CACNA2D1: variants seen among roughly 807,000 people sequenced by gnomAD.
CACNA2D1 encodes the protein voltage-dependent calcium channel subunit alpha-2/delta-1.
CACNA2D1 carries 53 observed loss-of-function variants against 171.5 expected under a neutral mutation model. The ratio of observed to expected loss-of-function variants is 0.31; its 90% CI spans 0.25 to 0.39. The LOEUF (loss-of-function observed/expected upper bound fraction) is 0.39, where lower values mean the gene tolerates loss of function less well. CACNA2D1 is among the 10% of genes least tolerant of loss of function. CACNA2D1 has a pLI of 1.00. For synonymous variants in CACNA2D1, 442 were observed against 443.1 expected (o/e 1.00, Z 0.03); for missense variants, 903 against 1,299.8 (o/e 0.69, Z 4.69).
At chr7:82,409,174 T>C (rs907942861) in intron 1 of CACNA2D1, among the ~76,000 whole-genome samples, 2 of 152,170 alleles carry the variant, frequency 1.3e-5, no homozygotes, top group African/African-American at 2.4e-5. Flanking sequence ...CCATAGTCTT[T>C]CCAGTGCCTT....
chr7:82,176,009 A>G (rs1393776217), intron 3 of CACNA2D1, among the ~76,000 whole-genome samples: 3 of 152,016 alleles, frequency 2.0e-5, no homozygotes, highest in Admixed American at 1.3e-4. Flanking sequence ...ATAAAACCAT[A>G]GGGTAACCAA....
chr7:82,167,695 A>G (rs1162480485), intron 4 of CACNA2D1, among the ~76,000 whole-genome samples: 1 of 152,064 alleles, frequency 6.6e-6, no homozygotes. Context: ...AACATCATTC[A>G]CGGTCCTTCA....
At chr7:82,017,346 T>C (rs1013244261) in intron 12 of CACNA2D1, among the ~76,000 whole-genome samples, 6 of 152,304 alleles carry the variant, frequency 3.9e-5, no homozygotes, top group East Asian at 3.9e-4. Flanking sequence ...ACTTGTTTTT[T>C]CTTTGTACAT....
intron 6 of CACNA2D1, among the ~76,000 whole-genome samples, chr7:82,103,795 C>A (rs1347539921): frequency 3.3e-5 from 5 of 151,956 alleles, no homozygotes; most frequent in Non-Finnish European, 5.9e-5. Context: ...ACTCCCCAAC[C>A]CGAATATGTA....
Position 82,102,644 on chromosome 7 carries a change from A to T in CACNA2D1, c.526+14400T>A, listed in dbSNP as rs570263080. Among the ~76,000 whole-genome samples, 4 of 152,272 alleles carry T rather than the reference A, an allele frequency of 2.6e-5. No homozygotes were observed. In the South Asian group the frequency reaches 8.3e-4, roughly 32 times the overall value. ...GGCAGTCTGCAGTATGTTTTCATTC[A>T]ACGAAGGAACTTAGACTGATGGAGA... On this transcript the variant is annotated intron_variant, in intron 6 of 38. Transcript: ENST00000356860.
intron 4 of CACNA2D1, among the ~76,000 whole-genome samples, chr7:82,147,682 T>C (rs1365788031): frequency 6.6e-6 from 1 of 152,160 alleles, no homozygotes; most frequent in Admixed American, 6.5e-5. Context: ...TGTCCAATGG[T>C]AATATTAGCC....
intron 5 of CACNA2D1, among the ~76,000 whole-genome samples, chr7:82,122,838 G>A (rs971073630): frequency 2.0e-5 from 3 of 152,016 alleles, no homozygotes; most frequent in Non-Finnish European, 4.4e-5. Flanking sequence ...AAAATTAAAA[G>A]AATTTTTTAT....
intron 3 of CACNA2D1, among the ~76,000 whole-genome samples, chr7:82,261,799 G>C (rs1158442780): frequency 2.0e-5 from 3 of 152,098 alleles, no homozygotes; most frequent in East Asian, 3.9e-4. Context: ...GTTAAAATGG[G>C]TTCATCTTTC....
At chr7:82,425,157 A>AT (rs1295069526) in intron 1 of CACNA2D1, among the ~76,000 whole-genome samples, 1 of 152,204 alleles carries the variant, frequency 6.6e-6, no homozygotes, top group Admixed American at 6.5e-5. Flanking sequence ...AGTATAATGA[A>AT]TGATCTAACT....
intron 3 of CACNA2D1, among the ~76,000 whole-genome samples, chr7:82,316,130 C>G (rs1413964077): frequency 2.0e-5 from 3 of 151,926 alleles, no homozygotes; most frequent in Admixed American, 6.6e-5. Context: ...AATACAATCA[C>G]TAAGAATTCC....
intron 1 of CACNA2D1, among the ~76,000 whole-genome samples, chr7:82,407,505 A>G (rs750785497): frequency 8.5e-5 from 13 of 152,182 alleles, no homozygotes; most frequent in Non-Finnish European, 1.9e-4. Flanking sequence ...AATGCTTGCT[A>G]AAATTTTTGA....
chr7:82,346,667 T>C (rs555106629), intron 2 of CACNA2D1, among the ~76,000 whole-genome samples: 5 of 152,256 alleles, frequency 3.3e-5, no homozygotes, highest in African/African-American at 1.2e-4. Context: ...ATATTATATG[T>C]TGACATTTCC....
At chr7:82,339,781 G>A (rs1464825343) in intron 2 of CACNA2D1, among the ~76,000 whole-genome samples, 1 of 152,152 alleles carries the variant, frequency 6.6e-6, no homozygotes, top group Non-Finnish European at 1.5e-5. Context: ...ATGATAGACA[G>A]AATAATGGCT....
rs1491222972 is a variant in CACNA2D1, at chr7:82,172,640, T to TTTTTTTTTTTTTTC, written c.295-2032_295-2031insGAAAAAAAAAAAAA. ...GCTTTTTTTTTTTTTTTTTTTTTTT[T>TTTTTTTTTTTTTTC]GGTAAAGATGGGGTCTCAAACTCCT... On this transcript the variant is annotated intron_variant, in intron 3 of 38. Transcript: ENST00000356860. Among the ~76,000 whole-genome samples the TTTTTTTTTTTTTTC allele has an allele frequency of 7.4e-4, 57 of 77,278 alleles. 4 individuals are homozygous for TTTTTTTTTTTTTTC. Among genetic ancestry groups the TTTTTTTTTTTTTTC allele is most frequent in the African/African-American group, 2.6e-3 (52 of 19,976 alleles). The allele number at this position is 77,278 out of a possible 152,430, so 50.7% of individuals were successfully genotyped here. A position where few individuals can be genotyped will look rare whatever the true frequency, so the allele number is the denominator to read the frequency against.
chr7:82,340,339 T>G (rs930193498), intron 2 of CACNA2D1, among the ~76,000 whole-genome samples: 20 of 149,924 alleles, frequency 1.3e-4, no homozygotes, highest in Non-Finnish European at 2.4e-4. Flanking sequence ...AGTTTGTTTT[T>G]TGTTTTTTTT....
At chr7:82,366,800 C>G (rs933209231) in intron 1 of CACNA2D1, among the ~76,000 whole-genome samples, 1 of 151,576 alleles carries the variant, frequency 6.6e-6, no homozygotes, top group Admixed American at 6.6e-5. Context: ...AATCTCCAAA[C>G]TGCTTTCCAC....
intron 38 of CACNA2D1, among the ~76,000 whole-genome samples, chr7:81,957,235 A>G (rs979835833): frequency 6.6e-6 from 1 of 152,074 alleles, no homozygotes; most frequent in Non-Finnish European, 1.5e-5. Flanking sequence ...TTACACAAAA[A>G]CTTTATGAAA....
intron 4 of CACNA2D1, among the ~76,000 whole-genome samples, chr7:82,143,616 G>A (rs975788175): frequency 3.9e-5 from 6 of 152,162 alleles, no homozygotes; most frequent in African/African-American, 1.4e-4. Flanking sequence ...AAAGCCTAAT[G>A]CAAATGGTAA....
At chr7:82,235,862 A>G (rs1326719157) in intron 3 of CACNA2D1, among the ~76,000 whole-genome samples, 1 of 152,084 alleles carries the variant, frequency 6.6e-6, no homozygotes, top group African/African-American at 2.4e-5. Context: ...AAAATGTTAC[A>G]GTGTATGAAC....
Sources: allele counts gnomAD v4.1 joint callset (sites outside exome capture counted in the v4.1 genomes callset), GRCh38; gene constraint gnomAD v4.1.1; transcripts MANE v1.5; gene names NCBI Gene and HGNC (gene_info 2026-07-23, HGNC 2026-07-21).